RTEL1: variants seen among roughly 807,000 people sequenced by gnomAD.
RTEL1 encodes the protein regulator of telomere elongation helicase 1.
In RTEL1, 86 loss-of-function variants were observed where a neutral mutation model predicts 162.2. The ratio of observed to expected loss-of-function variants is 0.53; its 90% CI spans 0.45 to 0.63. The LOEUF is 0.63. Ranked by LOEUF, RTEL1 falls within the 30% of genes least tolerant of loss-of-function variation. The pLI is 0.00. For synonymous variants in RTEL1, 958 were observed against 717.9 expected (o/e 1.33, Z -5.35); for missense variants, 1,941 against 1,750.2 (o/e 1.11, Z -1.95).
At position 63,689,542 on chromosome 20, in the gene RTEL1, G is replaced by T. The variant is rs1262230406; in HGVS notation, c.1919G>T (p.Gly640Val). ...GLDFSDTNGR[G>V]VIVTGLPYPP... ...GACTTCTCAGACACGAATGGCCGTG[G>T]TGTGATTGTCACGGGCCTCCCGTAC... The change falls in exon 23 of 35, where the codon GGT becomes GTT. Residue 640 changes from glycine (G) to valine (V), a missense_variant. By Grantham distance (109) the Gly-to-Val change is moderately radical (BLOSUM62 -3). Coordinates refer to ENST00000360203, the MANE Select transcript of RTEL1 (RefSeq NM_001283009.2). 6.2e-7 allele frequency: 1 copy of T among 1,610,924 alleles called. No individual in the cohort carries two copies. Among genetic ancestry groups the T allele is most frequent in the Non-Finnish European group, 8.5e-7 (1 of 1,179,378 alleles).
At position 63,693,257 on chromosome 20, in the gene RTEL1, G is replaced by C. The variant is rs200683292; in HGVS notation, c.2966G>C (p.Arg989Pro). 32 of 1,611,898 alleles carry C rather than the reference G, an allele frequency of 2.0e-5. No individual in the cohort carries two copies. Among genetic ancestry groups the C allele is most frequent in the African/African-American group, 4.0e-5 (3 of 74,934 alleles). ...RPEHSIPRRQ[R>P]AQPVLDPTGR... ...GAGCACAGCATTCCCCGAAGGCAGC[G>C]GGCACAGCCGGTCCTGGACCCCACT... The change falls in exon 30 of 35, where the codon CGG (arginine) becomes CCG (proline). Residue 989 changes from arginine (R) to proline (P), a missense_variant. Transcript: ENST00000360203.
Position 63,695,623 on chromosome 20 carries a change from C to G in RTEL1, c.3795C>G (p.Cys1265Trp). 1 of 1,611,744 alleles carries G rather than the reference C, an allele frequency of 6.2e-7. No homozygotes were observed. Among genetic ancestry groups the G allele is most frequent in the Non-Finnish European group, 8.5e-7 (1 of 1,179,900 alleles). Reference sequence around the variant, plus strand: ...GCCCTGCCTGTGACTTCCAGCGCTGCCAAGCCTGCTGGCAACGGCACCTTC... The same window carrying G: ...GCCCTGCCTGTGACTTCCAGCGCTGGCAAGCCTGCTGGCAACGGCACCTTC... ...FQCPACDFQR[C>W]QACWQRHLQA... The change falls in exon 34 of 35, where the codon TGC becomes TGG. Residue 1265 changes from cysteine to tryptophan, a missense_variant. Transcript: ENST00000360203.
chr20:63,685,066 G>A (rs2082953489), intron 14 of RTEL1, among the ~76,000 whole-genome samples: 1 of 135,658 alleles, frequency 7.4e-6, no homozygotes, highest in South Asian at 2.3e-4. Flanking sequence ...TTTTTTTTTG[G>A]TGAACACCCT....
chr20:63,687,682 C>T lies in RTEL1; in HGVS notation c.1393C>T (p.His465Tyr), dbSNP rs142928306. Residue 465 changes from histidine to tyrosine, a missense_variant, in exon 17 of 35, where the codon CAC (histidine) becomes TAC (tyrosine). His to Tyr is a moderately conservative substitution (Grantham distance 83). Transcript: ENST00000360203. The stretch of plus-strand genomic sequence containing the variant: ...GTGCTTCAGTCCCGGCCACAGCATG[C>T]ACGAGCTGGTCCGCCAGGGCGTCCG... ...YWCFSPGHSM[H>Y]ELVRQGVRSL... 2.1e-5 allele frequency: 34 copies of T among 1,609,100 alleles called. No homozygotes were observed. Among genetic ancestry groups the T allele is most frequent in the Admixed American group, 1.0e-4 (6 of 59,764 alleles).
At chr20:63,688,639 C>A (rs1259347945) in intron 21 of RTEL1, 34 bp downstream of exon 21, 1 of 1,570,198 alleles carries the variant, frequency 6.4e-7, no homozygotes. Flanking sequence ...GGCCTGCTGC[C>A]CCCTCGTGCC....
In RTEL1 at chr20:63,661,810, CTGAGAACCG is replaced by C. The variant is rs2090026009; in HGVS notation, c.302-36_302-28del. The C allele has an allele frequency of 1.3e-6, 2 of 1,570,738 alleles. No individual in the cohort carries two copies. The highest frequency in any genetic ancestry group is 1.8e-6 in the Non-Finnish European group (2 of 1,140,540). Reference sequence around the variant, plus strand: ...TGCCTTTGATACGTGAGAACGTTGTCTGAGAACCGTGACTTCTGTGCTTGCTTGTGTCTG... The same window carrying C: ...TGCCTTTGATACGTGAGAACGTTGTCTGACTTCTGTGCTTGCTTGTGTCTG... On this transcript the variant is annotated intron_variant, in intron 3 of 34. Coordinates refer to ENST00000360203, the MANE Select transcript of RTEL1 (RefSeq NM_001283009.2). The surrounding 1 kb of genome is among the most constrained non-coding windows in gnomAD (Gnocchi z 5.1).
At chr20:63,666,484 G>A (rs1356507887) in intron 7 of RTEL1, among the ~76,000 whole-genome samples, 23 of 152,192 alleles carry the variant, frequency 1.5e-4, no homozygotes, top group Admixed American at 1.5e-3. Flanking sequence ...ACCTCTTACA[G>A]CTTCAGAGAT....
Position 63,693,504 on chromosome 20 carries a change from ACCACCTCCT to A in RTEL1, c.2992+227_2992+235del, listed in dbSNP as rs1568720434. ...CTCCACCACCACCTCCACCTCCACC[ACCACCTCCT>A]CCACCACCACCACCTCCACCACCAC... On this transcript the variant is annotated intron_variant, in intron 30 of 34. Coordinates refer to ENST00000360203, the MANE Select transcript of RTEL1 (RefSeq NM_001283009.2). Among the ~76,000 whole-genome samples the A allele has an allele frequency of 4.2e-3, 25 of 5,966 alleles. 2 individuals are homozygous for A. Among genetic ancestry groups the A allele is most frequent in the Admixed American group, 0.014 (8 of 560 alleles). The allele number at this position is 5,966 out of a possible 152,430, so 3.9% of individuals were successfully genotyped here. A position where few individuals can be genotyped will look rare whatever the true frequency, so the allele number is the denominator to read the frequency against.
rs760281201 is a variant in RTEL1 at position 63,695,808 on chromosome 20, G to A, written c.3853G>A (p.Ala1285Thr). Residue 1285 changes from alanine (A) to threonine (T), a missense_variant, in exon 35 of 35, where the codon GCC becomes ACC. Coordinates refer to ENST00000360203, the MANE Select transcript of RTEL1 (RefSeq NM_001283009.2). ...TAGGATGTGCCCAGCCTGCCACACCGCCTCCAGGAAGCAGAGCGTCATGCA... is the reference window on the plus strand; with the variant it reads ...TAGGATGTGCCCAGCCTGCCACACCACCTCCAGGAAGCAGAGCGTCATGCA... ...ASRMCPACHT[A>T]SRKQSVMQVF... 3.8e-6 allele frequency: 6 copies of A among 1,599,712 alleles called. No individual in the cohort carries two copies. The highest frequency in any genetic ancestry group is 1.7e-5 in the Admixed American group (1 of 57,776).
chr20:63,681,741 G>A (rs749825702), intron 14 of RTEL1: 89 of 985,238 alleles, frequency 9.0e-5, no homozygotes, highest in Non-Finnish European at 1.0e-4. Context: ...CCCAGGCTCA[G>A]CCCTCCCTCC....
Position 63,688,399 on chromosome 20 carries a change from T to C in RTEL1, c.1722+13T>C. The C allele has an allele frequency of 6.2e-7, 1 of 1,608,174 alleles. No homozygotes were observed. The highest frequency in any genetic ancestry group is 8.5e-7 in the Non-Finnish European group (1 of 1,176,038). The stretch of plus-strand genomic sequence containing the variant: ...GGAGTTCTGGCGGGTGCGTCTCCCC[T>C]GTGTTCTGGGCGGGGTGGGTGAGGG... On this transcript the variant is annotated intron_variant, in intron 20 of 34. Transcript: ENST00000360203.
At chr20:63,662,411 G>A (rs934029309) in intron 4 of RTEL1, 135 bp from the exon 5 acceptor site, 43 of 1,545,546 alleles carry the variant, frequency 2.8e-5, no homozygotes, top group Middle Eastern at 1.7e-4. Flanking sequence ...TCCTACGCCC[G>A]GGCCACGTTT....
At chr20:63,689,683 G>T in intron 23 of RTEL1, 35 bp downstream of exon 23, 2 of 1,605,622 alleles carry the variant, frequency 1.2e-6, no homozygotes, top group Non-Finnish European at 1.7e-6. Context: ...GGGTAAGGCG[G>T]TCTGGTGACT....
chr20:63,679,821 C>G, intron 12 of RTEL1, 28 bp from the exon 13 acceptor site: 3 of 1,588,362 alleles, frequency 1.9e-6, no homozygotes, highest in Non-Finnish European at 2.6e-6. Context: ...CCCCGCCAGG[C>G]TCGAGCCTGC....
rs184130658 is a variant in RTEL1 at position 63,665,912 on chromosome 20, G to A, written c.539-92G>A. 2.9e-4 allele frequency: 349 copies of A among 1,203,714 alleles called. 4 individuals carry two copies. In the African/African-American group the frequency reaches 3.4e-3, roughly 12 times the overall value. The allele number at this position is 1,203,714 out of a possible 1,614,324, so 74.6% of individuals were successfully genotyped here. On this transcript the variant is annotated intron_variant, in intron 6 of 34. Transcript: ENST00000360203. ...TGGGGGACGCCCAGCCCTGCCCGCC[G>A]TGTAGGAGCCGTTCTGTCCTGGGCA... is the stretch of plus-strand genomic sequence containing the variant.
In RTEL1 at chr20:63,681,803, C is replaced by T. The variant is rs968870702; in HGVS notation, c.1191+1084C>T. On this transcript the variant is annotated intron_variant, in intron 14 of 34. Coordinates refer to ENST00000360203, the MANE Select transcript of RTEL1 (RefSeq NM_001283009.2). ...CGCCACAGCCTGTGTCTTCTCTGTG[C>T]GGTAGCTGGGGCTGGAAGGACAGCA... 2.7e-5 allele frequency: 27 copies of T among 985,376 alleles called. No individual in the cohort carries two copies. The East Asian group carries it at 1.0e-3, about 37-fold the overall frequency. The allele number at this position is 985,376 out of a possible 1,614,324, so 61.0% of individuals were successfully genotyped here. A position where few individuals can be genotyped will look rare whatever the true frequency, so the allele number is the denominator to read the frequency against.
At chr20:63,689,694 G>A in intron 23 of RTEL1, 46 bp downstream of exon 23, 6 of 1,604,284 alleles carry the variant, frequency 3.7e-6, no homozygotes, top group Non-Finnish European at 4.3e-6. Context: ...TCTGGTGACT[G>A]AGCCCCCGCC....
In RTEL1 at chr20:63,661,597, C is replaced by A; in HGVS notation, c.301+101C>A. ...GCCCATGGGGACTCCTGCCGTCTCT[C>A]AAGCAGAACTCAAGGAGAATTTTTT... On this transcript the variant is annotated intron_variant, in intron 3 of 34. Coordinates refer to ENST00000360203, the MANE Select transcript of RTEL1 (RefSeq NM_001283009.2). The surrounding 1 kb of genome is among the most constrained non-coding windows in gnomAD (Gnocchi z 5.1). 1 of 1,214,570 alleles carries A rather than the reference C, an allele frequency of 8.2e-7. No homozygotes were observed. Among genetic ancestry groups the A allele is most frequent in the Non-Finnish European group, 1.1e-6 (1 of 873,620 alleles). The allele number at this position is 1,214,570 out of a possible 1,614,324, so 75.2% of individuals were successfully genotyped here. A position where few individuals can be genotyped will look rare whatever the true frequency, so the allele number is the denominator to read the frequency against.
At chr20:63,691,978 C>G (rs2090757545) in intron 28 of RTEL1, 141 bp downstream of exon 28, 1 of 626,998 alleles carries the variant, frequency 1.6e-6, no homozygotes, top group South Asian at 1.8e-5. Flanking sequence ...AGCTGTGATG[C>G]TGACGGCCAG....
Sources: gnomAD v4.1 joint callset for allele counts (sites outside exome capture counted in the v4.1 genomes callset) on GRCh38, gnomAD v4.1.1 for gene constraint, Gnocchi (gnomAD v3.1) non-coding constraint, MANE v1.5 for transcripts, NCBI Gene and HGNC (gene_info 2026-07-23, HGNC 2026-07-21) for gene names.